ANO6: variants seen among roughly 807,000 people sequenced by gnomAD.
ANO6 encodes anoctamin 6, also known as anoctamin-6.
In ANO6, 106 loss-of-function variants were observed where a neutral mutation model predicts 117.5. The observed-to-expected ratio is 0.90, with a 90% CI of 0.77 to 1.06. The LOEUF is 1.06. ANO6 is among the 50% of genes least tolerant of loss of function. The pLI is 0.00. For missense variants in ANO6, 955 were observed against 1,121.1 expected, an observed-to-expected ratio of 0.85 and a Z score of 2.12; for synonymous variants, 367 against 385.1, an observed-to-expected ratio of 0.95 and a Z score of 0.55.
intron 1 of ANO6, among the ~76,000 whole-genome samples, chr12:45,227,508 G>A (rs1042163679): frequency 6.6e-6 from 1 of 151,896 alleles, no homozygotes; most frequent in African/African-American, 2.4e-5. Flanking sequence ...AGTCCTGTGT[G>A]GTTGCTGGGA....
chr12:45,286,377 C>T (rs897893060), intron 1 of ANO6, among the ~76,000 whole-genome samples: 3 of 152,100 alleles, frequency 2.0e-5, no homozygotes, highest in Non-Finnish European at 4.4e-5. Context: ...AACATCCATC[C>T]AGAAGGAATT....
intron 15 of ANO6, among the ~76,000 whole-genome samples, chr12:45,403,795 G>A (rs1321308271): frequency 6.6e-6 from 1 of 152,090 alleles, no homozygotes; most frequent in Admixed American, 6.6e-5. Flanking sequence ...TATACCTACT[G>A]GGCTATTGTT....
At chr12:45,348,404 A>G (rs1565709424) in intron 5 of ANO6, 89 bp downstream of exon 5, 1 of 1,586,178 alleles carries the variant, frequency 6.3e-7, no homozygotes, top group Admixed American at 1.7e-5. Context: ...ATTTTTAAAA[A>G]CTGCACAAAA....
chr12:45,305,557 A>G (rs1939641299), intron 2 of ANO6, among the ~76,000 whole-genome samples: 1 of 152,228 alleles, frequency 6.6e-6, no homozygotes, highest in Admixed American at 6.5e-5. Context: ...GTGAATGGTG[A>G]CTATCATTTG....
chr12:45,252,968 A>C (rs941955941), intron 1 of ANO6, among the ~76,000 whole-genome samples: 9 of 152,172 alleles, frequency 5.9e-5, no homozygotes, highest in African/African-American at 2.2e-4. Flanking sequence ...CTGGATGTGG[A>C]TATCTTTCTT....
At chr12:45,339,492 T>G (rs1458635527) in intron 3 of ANO6, among the ~76,000 whole-genome samples, 4 of 152,140 alleles carry the variant, frequency 2.6e-5, no homozygotes. Context: ...TTATTTCTTT[T>G]GTGATTTGAT....
chr12:45,221,228 C>T (rs972788642), intron 1 of ANO6, among the ~76,000 whole-genome samples: 3 of 152,176 alleles, frequency 2.0e-5, no homozygotes, highest in East Asian at 1.9e-4. Flanking sequence ...TGGTGATAAA[C>T]GTATTCTGTG....
chr12:45,314,915 A>C, intron 2 of ANO6, among the ~76,000 whole-genome samples: 1 of 152,096 alleles, frequency 6.6e-6, no homozygotes, highest in East Asian at 1.9e-4. Flanking sequence ...AGGGTGCCCA[A>C]ATAGCATTAC....
intron 7 of ANO6, 100 bp from the exon 8 acceptor site, chr12:45,357,190 C>A: frequency 7.2e-7 from 1 of 1,387,720 alleles, no homozygotes; most frequent in Non-Finnish European, 1.0e-6. Context: ...CAGATTTAAG[C>A]TTAAAGCCTC....
At chr12:45,350,212 G>A (rs1269962531) in intron 6 of ANO6, among the ~76,000 whole-genome samples, 1 of 152,164 alleles carries the variant, frequency 6.6e-6, no homozygotes, top group Non-Finnish European at 1.5e-5. Context: ...GCTGAACTGG[G>A]GGCAAAGAAG....
chr12:45,309,807 C>G (rs1333980741), intron 2 of ANO6, among the ~76,000 whole-genome samples: 1 of 151,962 alleles, frequency 6.6e-6, no homozygotes, highest in African/African-American at 2.4e-5. Flanking sequence ...TTCACTTGGA[C>G]TTACAAAGAA....
At chr12:45,292,463 TTTATGC>T (rs777754694) in intron 1 of ANO6, among the ~76,000 whole-genome samples, 1 of 152,238 alleles carries the variant, frequency 6.6e-6, no homozygotes, top group Non-Finnish European at 1.5e-5. Flanking sequence ...AGTGGCAAAC[TTTATGC>T]TTATATATTA....
chr12:45,395,277 C>T (rs772803427), intron 12 of ANO6, among the ~76,000 whole-genome samples: 1 of 152,132 alleles, frequency 6.6e-6, no homozygotes. Flanking sequence ...TACACCCTCC[C>T]AACACTAAAC....
At chr12:45,229,390 G>T (rs1401152360) in intron 1 of ANO6, among the ~76,000 whole-genome samples, 12 of 127,318 alleles carry the variant, frequency 9.4e-5, no homozygotes, top group African/African-American at 2.7e-4. Flanking sequence ...TTTATTTTTA[G>T]TTTTTTTTTT....
At chr12:45,216,663 C>T (rs958387733) in intron 1 of ANO6, among the ~76,000 whole-genome samples, 1 of 152,204 alleles carries the variant, frequency 6.6e-6, no homozygotes, top group African/African-American at 2.4e-5. Flanking sequence ...CTGGCAGCTG[C>T]GGGGACGCCT....
intron 2 of ANO6, among the ~76,000 whole-genome samples, chr12:45,327,815 TG>T (rs1445576993): frequency 2.0e-5 from 3 of 152,130 alleles, no homozygotes; most frequent in Non-Finnish European, 2.9e-5. Flanking sequence ...AGAATTTTTT[TG>T]TGTTGAGTAT....
chr12:45,304,213 A>G (rs959198555), intron 2 of ANO6, among the ~76,000 whole-genome samples: 3 of 152,240 alleles, frequency 2.0e-5, no homozygotes, highest in Non-Finnish European at 2.9e-5. Context: ...CAGAAGGTGT[A>G]GAAGTGGTGC....
intron 6 of ANO6, among the ~76,000 whole-genome samples, chr12:45,349,395 A>G (rs867230493): frequency 7.2e-5 from 11 of 152,306 alleles, no homozygotes; most frequent in Middle Eastern, 3.4e-3. Flanking sequence ...CAAATTCAAG[A>G]GTACTTCTCT....
intron 1 of ANO6, among the ~76,000 whole-genome samples, chr12:45,257,654 CCT>C (rs1937883074): frequency 6.6e-6 from 1 of 152,228 alleles, no homozygotes; most frequent in Non-Finnish European, 1.5e-5. Context: ...CACATCACTG[CCT>C]TGGTTCTAGG....
Sources: gnomAD v4.1 joint callset for allele counts (sites outside exome capture counted in the v4.1 genomes callset) on GRCh38, gnomAD v4.1.1 for gene constraint, MANE v1.5 for transcripts, NCBI Gene and HGNC (gene_info 2026-07-23, HGNC 2026-07-21) for gene names.